Variants in GALNT12 observed in about 807,000 individuals in gnomAD.
The protein encoded by GALNT12 is polypeptide N-acetylgalactosaminyltransferase 12, also known as UDP-GalNAc:polypeptide N-acetylgalactosaminyltransferase 12.
In GALNT12, 45 loss-of-function variants were observed where a neutral mutation model predicts 55.5. That is an observed-to-expected ratio of 0.81 (90% confidence interval 0.64 to 1.04). The LOEUF (loss-of-function observed/expected upper bound fraction) is 1.04, where lower values mean the gene tolerates loss of function less well. Among genes scored for constraint, GALNT12 ranks in the 50% least tolerant of loss-of-function variants. The pLI is 0.00. For missense variants in GALNT12, 709 were observed against 754.8 expected, an observed-to-expected ratio of 0.94 and a Z score of 0.71; for synonymous variants, 304 against 312.2, an observed-to-expected ratio of 0.97 and a Z score of 0.28.
chr9:98,836,844 G>A (rs41283634), intron 5 of GALNT12, 128 bp from the exon 6 acceptor site: 233 of 998,660 alleles, frequency 2.3e-4, no homozygotes, highest in Admixed American at 1.3e-3. Flanking sequence ...CCTCCTGCCC[G>A]ATGGAGGCTG....
intron 1 of GALNT12, among the ~76,000 whole-genome samples, chr9:98,818,675 G>A (rs528485891): frequency 1.3e-5 from 2 of 152,092 alleles, no homozygotes; most frequent in South Asian, 2.1e-4. Flanking sequence ...CTGTTATGAC[G>A]TTGACATTTT....
At chr9:98,840,606 A>G (rs1836266530) in intron 7 of GALNT12, among the ~76,000 whole-genome samples, 1 of 152,192 alleles carries the variant, frequency 6.6e-6, no homozygotes, top group Admixed American at 6.5e-5. Context: ...TGGGAATGAC[A>G]CCAGCTTAGC....
Position 98,849,386 on chromosome 9 carries a change from A to C in GALNT12, c.*294A>C. 1.8e-6 allele frequency: 1 copy of C among 571,102 alleles called. No individual in the cohort carries two copies. The highest frequency in any genetic ancestry group is 3.1e-6 in the Non-Finnish European group (1 of 324,726). The allele number at this position is 571,102 out of a possible 1,614,324, so 35.4% of individuals were successfully genotyped here. On this transcript the variant is annotated 3_prime_UTR_variant, in exon 10 of 10. Transcript: ENST00000375011. ...TAAAACCTTATAATATTTTTCTATCAAGATGTATATTTTACAGTCGTGCCT... is the reference window on the plus strand; with the variant it reads ...TAAAACCTTATAATATTTTTCTATCCAGATGTATATTTTACAGTCGTGCCT...
At chr9:98,820,895 C>G (rs191987164) in intron 1 of GALNT12, among the ~76,000 whole-genome samples, 1 of 152,214 alleles carries the variant, frequency 6.6e-6, no homozygotes, top group Non-Finnish European at 1.5e-5. Flanking sequence ...GACTGGAGCA[C>G]AAAGGTAATT....
chr9:98,845,962 C>T lies in GALNT12; in HGVS notation c.1459-15C>T, dbSNP rs781780984. Reference sequence around the variant, plus strand: ...TGGAAAATGTTGTGTTACATGTTGGCTGCCCCATTTTTAGTTTTTCGAGTA... The same window carrying T: ...TGGAAAATGTTGTGTTACATGTTGGTTGCCCCATTTTTAGTTTTTCGAGTA... On this transcript the variant is annotated splice_polypyrimidine_tract_variant and intron_variant, in intron 8 of 9. Transcript: ENST00000375011. The T allele has an allele frequency of 1.9e-6, 3 of 1,613,860 alleles. No individual in the cohort carries two copies. In the South Asian group the frequency reaches 3.3e-5, roughly 18 times the overall value.
At chr9:98,833,082 G>A (rs1836042126) in intron 4 of GALNT12, among the ~76,000 whole-genome samples, 1 of 152,132 alleles carries the variant, frequency 6.6e-6, no homozygotes, top group African/African-American at 2.4e-5. Flanking sequence ...GTCTGCTCTG[G>A]CCAGTGGGTG....
chr9:98,823,104 G>T, intron 1 of GALNT12, 152 bp from the exon 2 acceptor site: 1 of 738,362 alleles, frequency 1.4e-6, no homozygotes, highest in Non-Finnish European at 2.4e-6. Flanking sequence ...GTCTGCTGGG[G>T]CTCCTAGTGC....
chr9:98,826,713 T>A, intron 2 of GALNT12, 39 bp from the exon 3 acceptor site: 1 of 1,596,508 alleles, frequency 6.3e-7, no homozygotes, highest in Non-Finnish European at 8.5e-7. Context: ...TCCTCCGAGA[T>A]TGTCACGGTG....
intron 1 of GALNT12, among the ~76,000 whole-genome samples, chr9:98,813,179 G>A (rs908500360): frequency 1.4e-4 from 21 of 152,272 alleles, no homozygotes; most frequent in African/African-American, 4.8e-4. Context: ...TTCTTTATCT[G>A]AAAATGTTTT....
chr9:98,822,676 G>C (rs1248645943), intron 1 of GALNT12, among the ~76,000 whole-genome samples: 1 of 152,226 alleles, frequency 6.6e-6, no homozygotes, highest in Non-Finnish European at 1.5e-5. Flanking sequence ...AGTATTGGAT[G>C]CTGGGAGAGG....
At chr9:98,826,464 A>G (rs1437417014) in intron 2 of GALNT12, among the ~76,000 whole-genome samples, 1 of 152,184 alleles carries the variant, frequency 6.6e-6, no homozygotes, top group African/African-American at 2.4e-5. Context: ...AAATATATTC[A>G]CACACCATTC....
At chr9:98,818,007 CATT>C (rs1354110309) in intron 1 of GALNT12, among the ~76,000 whole-genome samples, 3 of 152,122 alleles carry the variant, frequency 2.0e-5, no homozygotes, top group Admixed American at 1.3e-4. Flanking sequence ...TAGATCCACC[CATT>C]ATTGTTTTGG....
chr9:98,822,861 G>A (rs1233368121), intron 1 of GALNT12, among the ~76,000 whole-genome samples: 1 of 152,166 alleles, frequency 6.6e-6, no homozygotes, highest in African/African-American at 2.4e-5. Context: ...GCCAAGTACA[G>A]AAGGGAGGAA....
chr9:98,844,364 T>G (rs1836365588), intron 8 of GALNT12, 155 bp downstream of exon 8: 1 of 646,770 alleles, frequency 1.5e-6, no homozygotes, highest in African/African-American at 1.8e-5. Flanking sequence ...AATTAAAATG[T>G]GTTTTCTTCC....
chr9:98,831,853 C>T lies in GALNT12; in HGVS notation c.813C>T (p.Ser271=), dbSNP rs1060504773. ...ACACCTTCGAATACCTGGGGAACTC[C>T]GGGGAGCCCCAGATCGGCGGTTTCG... ...DWNTFEYLGN[S]GEPQIGGFDW... Residue 271 remains serine (S), a synonymous_variant, in exon 4 of 10, where the codon TCC becomes TCT. Coordinates refer to ENST00000375011, the MANE Select transcript of GALNT12 (RefSeq NM_024642.5). 70 of 1,614,148 alleles carry T rather than the reference C, an allele frequency of 4.3e-5. No individual in the cohort carries two copies. Among genetic ancestry groups the T allele is most frequent in the Middle Eastern group, 1.6e-4 (1 of 6,062 alleles).
Position 98,845,794 on chromosome 9 carries a change from G to T in GALNT12, c.1459-183G>T, listed in dbSNP as rs114417690. ...ATTTCCTCCACGCTCATGAAGCACT[G>T]CAGTAGCGGTTCACTGAGGGCTGTG... On this transcript the variant is annotated intron_variant, in intron 8 of 9. Coordinates refer to ENST00000375011, the MANE Select transcript of GALNT12 (RefSeq NM_024642.5). Among the ~76,000 whole-genome samples, 168 of 152,260 alleles carry T rather than the reference G, an allele frequency of 1.1e-3. 2 individuals are homozygous for T. Among genetic ancestry groups the T allele is most frequent in the African/African-American group, 3.5e-3 (147 of 41,538 alleles).
chr9:98,842,386 G>A (rs188012414), intron 7 of GALNT12, among the ~76,000 whole-genome samples: 1 of 151,552 alleles, frequency 6.6e-6, no homozygotes, highest in East Asian at 2.0e-4. Context: ...CTAAGGTCTC[G>A]CTATGTTGCC....
intron 8 of GALNT12, among the ~76,000 whole-genome samples, chr9:98,845,587 G>A (rs1836391571): frequency 6.6e-6 from 1 of 152,126 alleles, no homozygotes; most frequent in South Asian, 2.1e-4. Context: ...AGGAGAGACT[G>A]AGGAAAAGGA....
rs898798901 is a variant in GALNT12, at chr9:98,807,703, G to T, written c.5G>T (p.Trp2Leu). The change falls in exon 1 of 10, where the codon TGG becomes TTG. Residue 2 changes from tryptophan to leucine, a missense_variant. By Grantham distance (61) the Trp-to-Leu change is moderately conservative. Transcript: ENST00000375011. ...CTGGCTGCAGTTGGCGGGCGCATGT[G>T]GGGGCGCACGGCGCGGCGGCGCTGC... is the stretch of plus-strand genomic sequence containing the variant. The part of the protein sequence containing the change: M[W>L]GRTARRRCPR... 47 of 1,152,368 alleles carry T rather than the reference G, an allele frequency of 4.1e-5. 1 individual carries two copies. Among genetic ancestry groups the T allele is most frequent in the South Asian group, 3.3e-4 (10 of 30,594 alleles). 71.4% of individuals were successfully genotyped at this position (1,152,368 alleles called of 1,614,324 possible).
Sources: gnomAD v4.1 joint callset for allele counts (sites outside exome capture counted in the v4.1 genomes callset) on GRCh38, gnomAD v4.1.1 for gene constraint, MANE v1.5 for transcripts, NCBI Gene and HGNC (gene_info 2026-07-23, HGNC 2026-07-21) for gene names.